The following LRP1B variants were observed in gnomAD, a reference collection of about 807,000 sequenced individuals.
LRP1B encodes LDL receptor related protein 1B.
LRP1B carries 217 observed loss-of-function variants against 556.6 expected under a neutral mutation model. That is an observed-to-expected ratio of 0.39 (90% CI 0.35 to 0.44). LRP1B has a LOEUF of 0.44. LRP1B is among the 20% of genes least tolerant of loss of function. The pLI, the probability that LRP1B is intolerant of heterozygous loss-of-function variation, is 1.00. For synonymous variants in LRP1B, 2,047 were observed against 1,865.8 expected (o/e 1.10, Z -2.50); for missense variants, 5,053 against 5,620.8 (o/e 0.90, Z 3.23).
intron 11 of LRP1B, among the ~76,000 whole-genome samples, chr2:141,036,228 T>C (rs966033482): frequency 6.6e-5 from 10 of 151,946 alleles, no homozygotes; most frequent in Non-Finnish European, 1.5e-4. Context: ...ACTACCATAA[T>C]AGCAGATTAA....
chr2:141,750,141 T>A (rs936533696), intron 2 of LRP1B, among the ~76,000 whole-genome samples: 2 of 152,092 alleles, frequency 1.3e-5, no homozygotes, highest in African/African-American at 4.8e-5. Flanking sequence ...ATATATAGTG[T>A]TAATTACCAA....
chr2:141,407,828 A>T (rs1260356884), intron 3 of LRP1B, among the ~76,000 whole-genome samples: 1 of 152,180 alleles, frequency 6.6e-6, no homozygotes, highest in Middle Eastern at 3.2e-3. Context: ...TGTAAGAACA[A>T]CCTAATATAT....
chr2:141,923,403 C>CTATA lies in LRP1B; in HGVS notation c.83-113006_83-113003dup, dbSNP rs61682272. Among the ~76,000 whole-genome samples the CTATA allele has an allele frequency of 4.1e-3, 414 of 102,094 alleles. 41 individuals carry two copies. The highest frequency in any genetic ancestry group is 0.02 in the South Asian group (54 of 2,718). 67.0% of individuals were successfully genotyped at this position (102,094 alleles called of 152,430 possible). A position where few individuals can be genotyped will look rare whatever the true frequency, so the allele number is the denominator to read the frequency against. ...ATTTTTAATGAAATTATCTCTGTCACTATATATATATATATATATAGTGAC... is the reference window on the plus strand; with the variant it reads ...ATTTTTAATGAAATTATCTCTGTCACTATATATATATATATATATATATAGTGAC... On this transcript the variant is annotated intron_variant, in intron 1 of 90. Transcript: ENST00000389484.
chr2:142,050,963 A>C (rs1704434372), intron 1 of LRP1B, among the ~76,000 whole-genome samples: 1 of 152,186 alleles, frequency 6.6e-6, no homozygotes, highest in Non-Finnish European at 1.5e-5. Context: ...ATTAATATTA[A>C]AGTTACAGTC....
intron 1 of LRP1B, among the ~76,000 whole-genome samples, chr2:141,819,508 C>T (rs926375459): frequency 6.6e-6 from 1 of 152,138 alleles, no homozygotes; most frequent in Non-Finnish European, 1.5e-5. Context: ...ACATCTTAAA[C>T]ATCGCATGTT....
chr2:141,666,194 G>A (rs1690425573), intron 2 of LRP1B, among the ~76,000 whole-genome samples: 1 of 152,172 alleles, frequency 6.6e-6, no homozygotes, highest in Non-Finnish European at 1.5e-5. Flanking sequence ...GACAATTGGT[G>A]TCCAATTCTG....
At chr2:141,697,827 G>A (rs1478817218) in intron 2 of LRP1B, among the ~76,000 whole-genome samples, 3 of 151,902 alleles carry the variant, frequency 2.0e-5, no homozygotes, top group Non-Finnish European at 4.4e-5. Flanking sequence ...AAGACTAGGT[G>A]GTAAAACCCA....
At chr2:140,799,386 G>A (rs1167525759) in intron 32 of LRP1B, among the ~76,000 whole-genome samples, 1 of 152,136 alleles carries the variant, frequency 6.6e-6, no homozygotes, top group African/African-American at 2.4e-5. Flanking sequence ...AAAGCAGGAA[G>A]AGAGCCCTCA....
intron 7 of LRP1B, among the ~76,000 whole-genome samples, chr2:141,186,297 G>C (rs549642843): frequency 2.0e-5 from 3 of 151,142 alleles, no homozygotes; most frequent in South Asian, 4.2e-4. Context: ...GAAAACCTAG[G>C]AGGAATTTTA....
chr2:141,736,369 C>T (rs987809089), intron 2 of LRP1B, among the ~76,000 whole-genome samples: 2 of 152,092 alleles, frequency 1.3e-5, no homozygotes, highest in African/African-American at 4.8e-5. Context: ...AGTGTTATTG[C>T]AGATGTAATT....
intron 7 of LRP1B, among the ~76,000 whole-genome samples, chr2:141,107,881 G>A (rs1393403257): frequency 6.6e-6 from 1 of 151,920 alleles, no homozygotes; most frequent in African/African-American, 2.4e-5. Flanking sequence ...TTCTCAACGT[G>A]TATGTAACTA....
intron 17 of LRP1B, among the ~76,000 whole-genome samples, chr2:140,983,287 G>C (rs946616963): frequency 6.6e-6 from 1 of 152,016 alleles, no homozygotes; most frequent in East Asian, 1.9e-4. Context: ...TATTGGGAAA[G>C]GGATACTCAG....
intron 2 of LRP1B, among the ~76,000 whole-genome samples, chr2:141,742,270 GAGA>G (rs1693739362): frequency 3.7e-5 from 3 of 81,044 alleles, no homozygotes; most frequent in African/African-American, 1.4e-4. Flanking sequence ...TTTTTTTTTT[GAGA>G]AGGAGTCTTG....
In LRP1B at chr2:140,264,317, C is replaced by T. The variant is rs1466117250; in HGVS notation, c.13247+5925G>A. Among the ~76,000 whole-genome samples the T allele has an allele frequency of 7.9e-5, 12 of 152,276 alleles. No homozygotes were observed. In the East Asian group the frequency reaches 2.1e-3, roughly 27 times the overall value. Reference sequence around the variant, plus strand: ...AGTCTCAGCTCACTGCAACCTCTGCCTCCCGGGTTCAAGTCATTCTCCTGC... The same window carrying T: ...AGTCTCAGCTCACTGCAACCTCTGCTTCCCGGGTTCAAGTCATTCTCCTGC... On this transcript the variant is annotated intron_variant, in intron 86 of 90. Transcript: ENST00000389484.
intron 66 of LRP1B, among the ~76,000 whole-genome samples, chr2:140,400,509 T>C (rs1028968664): frequency 6.6e-6 from 1 of 152,188 alleles, no homozygotes; most frequent in Middle Eastern, 3.2e-3. Context: ...TATACTTCTG[T>C]ATTCATATCT....
intron 1 of LRP1B, among the ~76,000 whole-genome samples, chr2:141,978,453 A>G (rs1701945459): frequency 6.6e-6 from 1 of 152,078 alleles, no homozygotes; most frequent in East Asian, 1.9e-4. Flanking sequence ...AATAACTTAT[A>G]GAGTTTAACA....
intron 35 of LRP1B, among the ~76,000 whole-genome samples, chr2:140,765,945 A>G (rs1406269093): frequency 6.6e-6 from 1 of 152,094 alleles, no homozygotes; most frequent in Non-Finnish European, 1.5e-5. Flanking sequence ...GCACACCAAC[A>G]TGGCACATGT....
chr2:140,337,597 T>C (rs16843799), intron 77 of LRP1B, among the ~76,000 whole-genome samples: 2,655 of 151,930 alleles, frequency 0.017, 86 homozygotes, highest in African/African-American at 0.061. Context: ...ATGGGAAAAA[T>C]CACCATTATA....
rs111546779 is a variant in LRP1B at position 141,428,749 on chromosome 2, C to A, written c.343+51647G>T. Among the ~76,000 whole-genome samples the A allele has an allele frequency of 6.3e-4, 96 of 152,274 alleles. 1 individual carries two copies. Among genetic ancestry groups the A allele is most frequent in the African/African-American group, 1.9e-3 (80 of 41,554 alleles). ...ATCTGACCTTCTCTCATGGTGTTTG[C>A]CAGTCTCTAACAAGTATCTTGTATA... On this transcript the variant is annotated intron_variant, in intron 3 of 90. Coordinates refer to ENST00000389484, the MANE Select transcript of LRP1B (RefSeq NM_018557.3).
Sources: allele counts gnomAD v4.1 joint callset (sites outside exome capture counted in the v4.1 genomes callset), GRCh38; gene constraint gnomAD v4.1.1; transcripts MANE v1.5; gene names NCBI Gene and HGNC (gene_info 2026-07-23, HGNC 2026-07-21).